XPNPEP3: variants seen among roughly 807,000 people sequenced by gnomAD.
XPNPEP3 encodes X-prolyl aminopeptidase 3.
In XPNPEP3, 41 loss-of-function variants were observed where a neutral mutation model predicts 60.0. That is an observed-to-expected ratio of 0.68 (90% CI 0.53 to 0.89). The LOEUF (loss-of-function observed/expected upper bound fraction) is 0.89. Ranked by LOEUF, XPNPEP3 falls within the 40% of genes least tolerant of loss-of-function variation. The probability of loss-of-function intolerance (pLI) is 0.00; values close to 1 mark genes in which losing one functional copy is unlikely to be tolerated. For synonymous variants in XPNPEP3, 212 were observed against 223.2 expected (o/e 0.95, Z 0.45); for missense variants, 598 against 638.9 (o/e 0.94, Z 0.69).
At chr22:40,917,534 C>A (rs1228119804) in intron 7 of XPNPEP3, among the ~76,000 whole-genome samples, 1 of 151,986 alleles carries the variant, frequency 6.6e-6, no homozygotes, top group African/African-American at 2.4e-5. Flanking sequence ...ATACTTAAAA[C>A]CACTGAATTG....
intron 8 of XPNPEP3, among the ~76,000 whole-genome samples, chr22:40,922,775 T>G (rs542757310): frequency 1.1e-4 from 16 of 152,174 alleles, no homozygotes; most frequent in Non-Finnish European, 1.9e-4. Context: ...TACGTAGATA[T>G]ATATACATAC....
At chr22:40,886,910 T>C (rs182335692) in intron 4 of XPNPEP3, among the ~76,000 whole-genome samples, 1 of 151,916 alleles carries the variant, frequency 6.6e-6, no homozygotes, top group East Asian at 1.9e-4. Flanking sequence ...GTATACCCAA[T>C]GCAGCAGTCT....
At chr22:40,904,550 TA>T (rs911898459) in intron 4 of XPNPEP3, among the ~76,000 whole-genome samples, 13 of 150,664 alleles carry the variant, frequency 8.6e-5, no homozygotes, top group South Asian at 6.3e-4. Context: ...CCCCATCTCT[TA>T]AAAAAAAAAT....
intron 1 of XPNPEP3, chr22:40,862,635 T>A: frequency 8.1e-6 from 8 of 985,476 alleles, no homozygotes; most frequent in Non-Finnish European, 9.6e-6. Context: ...AATGAAAGCC[T>A]CTTGGAGGAA....
chr22:40,860,036 A>G (rs1325178392), intron 1 of XPNPEP3: 1 of 152,220 alleles, frequency 6.6e-6, no homozygotes, highest in Non-Finnish European at 1.5e-5. Flanking sequence ...GTGGTAAAAT[A>G]TACTACATAA....
At chr22:40,865,397 C>T (rs1054196994) in intron 1 of XPNPEP3, among the ~76,000 whole-genome samples, 5 of 145,784 alleles carry the variant, frequency 3.4e-5, no homozygotes, top group Admixed American at 2.1e-4. Context: ...GGTGTGATCT[C>T]GGCTCACTGC....
intron 4 of XPNPEP3, among the ~76,000 whole-genome samples, chr22:40,894,040 A>T (rs1221456824): frequency 6.6e-6 from 1 of 152,112 alleles, no homozygotes; most frequent in Non-Finnish European, 1.5e-5. Context: ...AGACATGGTG[A>T]TGATGCCAGT....
intron 4 of XPNPEP3, among the ~76,000 whole-genome samples, chr22:40,894,137 C>G (rs1240135895): frequency 1.3e-5 from 2 of 152,108 alleles, no homozygotes; most frequent in Non-Finnish European, 2.9e-5. Flanking sequence ...ACAGGTGCTG[C>G]TATGATCATT....
rs2146261754 is a variant in XPNPEP3 at position 40,896,881 on chromosome 22, G to A, written c.792+10366G>A. ...TGCCTATTCTAATTACTTCATATAAGTAGAATCATACAGTATTTGTCTTTT... is the reference window on the plus strand; with the variant it reads ...TGCCTATTCTAATTACTTCATATAAATAGAATCATACAGTATTTGTCTTTT... On this transcript the variant is annotated intron_variant, in intron 4 of 9. Coordinates refer to ENST00000357137, the MANE Select transcript of XPNPEP3 (RefSeq NM_022098.4). Among the ~76,000 whole-genome samples, 3 of 152,120 alleles carry A rather than the reference G, an allele frequency of 2.0e-5. No individual in the cohort carries two copies. The South Asian group carries it at 6.2e-4, about 32-fold the overall frequency.
chr22:40,885,312 AG>A (rs1212900511), intron 3 of XPNPEP3, among the ~76,000 whole-genome samples: 2 of 152,234 alleles, frequency 1.3e-5, no homozygotes, highest in Non-Finnish European at 2.9e-5. Flanking sequence ...TTAGAAAAAA[AG>A]AACAAATGTA....
chr22:40,914,531 ATTTTTTTTTTTTT>A (rs560908648), intron 7 of XPNPEP3, among the ~76,000 whole-genome samples: 13 of 67,660 alleles, frequency 1.9e-4, no homozygotes, highest in East Asian at 5.6e-4. Context: ...ACTAACAAAG[ATTTTTTTTTTTTT>A]TTTTTTTTTT....
chr22:40,864,350 A>C (rs554932361), intron 1 of XPNPEP3, among the ~76,000 whole-genome samples: 1 of 152,300 alleles, frequency 6.6e-6, no homozygotes, highest in Non-Finnish European at 1.5e-5. Context: ...TTTTAAGAAC[A>C]TCACAGGTAA....
intron 4 of XPNPEP3, among the ~76,000 whole-genome samples, chr22:40,904,533 A>T (rs920717571): frequency 6.6e-6 from 1 of 152,090 alleles, no homozygotes; most frequent in African/African-American, 2.4e-5. Context: ...TGGGCAACAT[A>T]GCAAGACCCC....
chr22:40,911,747 C>G (rs1020233818), intron 6 of XPNPEP3, among the ~76,000 whole-genome samples: 1 of 152,128 alleles, frequency 6.6e-6, no homozygotes, highest in Non-Finnish European at 1.5e-5. Flanking sequence ...ACCATGTTGG[C>G]CAGGCTGGTC....
Position 40,885,958 on chromosome 22 carries a change from G to A in XPNPEP3, c.590-355G>A, listed in dbSNP as rs540672716. Among the ~76,000 whole-genome samples the A allele has an allele frequency of 1.4e-4, 21 of 152,144 alleles. No homozygotes were observed. The South Asian group carries it at 3.5e-3, about 26-fold the overall frequency. On this transcript the variant is annotated intron_variant, in intron 3 of 9. Transcript: ENST00000357137. ...GATTGTGCCACTGCACTCCAGCCTG[G>A]GCAACAGAGCAAGACTCCATCTCAA...
chr22:40,857,436 G>C (rs1201473202), intron 1 of XPNPEP3, among the ~76,000 whole-genome samples, 191 bp downstream of exon 1: 2 of 152,226 alleles, frequency 1.3e-5, no homozygotes, highest in Non-Finnish European at 2.9e-5. Context: ...CTCTACCGTT[G>C]AGGTATTTTG....
At chr22:40,921,397 A>G (rs2058216059) in intron 7 of XPNPEP3, among the ~76,000 whole-genome samples, 1 of 151,830 alleles carries the variant, frequency 6.6e-6, no homozygotes, top group Non-Finnish European at 1.5e-5. Flanking sequence ...TTTAGTGTAT[A>G]TAAAGACACT....
intron 2 of XPNPEP3, among the ~76,000 whole-genome samples, chr22:40,870,561 A>G (rs1243582358): frequency 6.6e-6 from 1 of 152,126 alleles, no homozygotes; most frequent in Non-Finnish European, 1.5e-5. Context: ...AAACAGAATT[A>G]TTAGTATTTT....
At chr22:40,857,343 G>C in intron 1 of XPNPEP3, 98 bp downstream of exon 1, 1 of 1,355,608 alleles carries the variant, frequency 7.4e-7, no homozygotes, top group East Asian at 2.5e-5. Flanking sequence ...TTCTCCTGGT[G>C]GGGCCTCCGC....
Sources: gnomAD v4.1 joint callset for allele counts (sites outside exome capture counted in the v4.1 genomes callset) on GRCh38, gnomAD v4.1.1 for gene constraint, MANE v1.5 for transcripts, NCBI Gene and HGNC (gene_info 2026-07-23, HGNC 2026-07-21) for gene names.